RUNDC3B: variants seen among roughly 807,000 people sequenced by gnomAD.
The protein encoded by RUNDC3B is RUN domain-containing protein 3B.
A neutral mutation model predicts 58.4 loss-of-function variants in RUNDC3B; 33 were observed. The ratio of observed to expected loss-of-function variants is 0.56; its 90% CI spans 0.43 to 0.75. The LOEUF is 0.75. Among genes scored for constraint, RUNDC3B ranks in the 30% least tolerant of loss-of-function variants. RUNDC3B has a pLI of 0.00. For missense variants in RUNDC3B, 501 were observed against 535.7 expected, an observed-to-expected ratio of 0.94 and a Z score of 0.64; for synonymous variants, 193 against 195.2, an observed-to-expected ratio of 0.99 and a Z score of 0.10.
intron 10 of RUNDC3B, among the ~76,000 whole-genome samples, chr7:87,818,440 GT>G (rs967691550): frequency 3.3e-5 from 5 of 152,298 alleles, no homozygotes; most frequent in Admixed American, 6.5e-5. Flanking sequence ...AAGGAAACAT[GT>G]TCTCATGATG....
chr7:87,720,200 T>C (rs1830792469), intron 4 of RUNDC3B, among the ~76,000 whole-genome samples: 2 of 152,160 alleles, frequency 1.3e-5, no homozygotes, highest in South Asian at 4.1e-4. Context: ...CACAAGAATA[T>C]GTCAAAAGCT....
Position 87,832,150 on chromosome 7 carries a change from C to CT in RUNDC3B, c.*2123dup, listed in dbSNP as rs1260543885. ...ATGAGGAAACCATGTATGTCTCAAT[C>CT]TTTAATTTTAGGTGGTAGTGTTTAT... is the stretch of plus-strand genomic sequence containing the variant. On this transcript the variant is annotated 3_prime_UTR_variant, in exon 11 of 11. Transcript: ENST00000394654. 6.6e-6 allele frequency: 1 copy of CT among 151,934 alleles called. No homozygotes were observed. The highest frequency in any genetic ancestry group is 1.5e-5 in the Non-Finnish European group (1 of 67,890). 9.4% of individuals were successfully genotyped at this position (151,934 alleles called of 1,614,324 possible).
chr7:87,724,899 GTTT>G (rs1303356159), intron 4 of RUNDC3B, among the ~76,000 whole-genome samples: 1 of 151,596 alleles, frequency 6.6e-6, no homozygotes, highest in African/African-American at 2.4e-5. Flanking sequence ...ATTTACTTTT[GTTT>G]TTGAGTGATT....
intron 2 of RUNDC3B, among the ~76,000 whole-genome samples, chr7:87,672,672 G>C (rs999066471): frequency 2.6e-5 from 4 of 151,194 alleles, no homozygotes; most frequent in Non-Finnish European, 5.9e-5. Context: ...ATGTAGCTCT[G>C]TCTGTGAGAC....
chr7:87,686,608 T>G (rs1310978816), intron 2 of RUNDC3B, among the ~76,000 whole-genome samples: 1 of 152,026 alleles, frequency 6.6e-6, no homozygotes, highest in African/African-American at 2.4e-5. Flanking sequence ...GATGTATTAG[T>G]GATTTTTGTA....
chr7:87,628,578 TGCGTGC>T lies in RUNDC3B; in HGVS notation c.-244_-239del, dbSNP rs1465283233. ...GCGCGCCGAGGGCGGAGGTGGTGCG[TGCGTGC>T]GTGTGTGTGTGTGTGTGTGTGTGTG... On this transcript the variant is annotated 5_prime_UTR_variant, in exon 1 of 11. Coordinates refer to ENST00000394654, the MANE Select transcript of RUNDC3B (RefSeq NM_001134405.2). 3.0e-4 allele frequency: 89 copies of T among 299,326 alleles called. No homozygotes were observed. The highest frequency in any genetic ancestry group is 2.5e-3 in the African/African-American group (82 of 32,820). The allele number at this position is 299,326 out of a possible 1,614,324, so 18.5% of individuals were successfully genotyped here. A position where few individuals can be genotyped will look rare whatever the true frequency, so the allele number is the denominator to read the frequency against.
At chr7:87,657,869 C>T (rs1024854843) in intron 2 of RUNDC3B, among the ~76,000 whole-genome samples, 2 of 152,150 alleles carry the variant, frequency 1.3e-5, no homozygotes, top group African/African-American at 4.8e-5. Flanking sequence ...ACTTCATCCT[C>T]CACTTGGCAG....
At chr7:87,773,658 C>CTTGTTTTGTTTTGTTTTGTT (rs10699526) in intron 7 of RUNDC3B, among the ~76,000 whole-genome samples, 2 of 147,170 alleles carry the variant, frequency 1.4e-5, no homozygotes, top group African/African-American at 2.5e-5. Context: ...TTTGTCTTGT[C>CTTGTTTTGTTTTGTTTTGTT]TTGTTTTGTT....
chr7:87,760,793 A>C (rs566666006), intron 6 of RUNDC3B, among the ~76,000 whole-genome samples: 1 of 152,204 alleles, frequency 6.6e-6, no homozygotes, highest in African/African-American at 2.4e-5. Flanking sequence ...GAGTGAATTT[A>C]GACCTTAACC....
chr7:87,642,026 G>A (rs76844600), intron 1 of RUNDC3B, among the ~76,000 whole-genome samples: 2,020 of 151,832 alleles, frequency 0.013, 17 homozygotes, highest in Non-Finnish European at 0.013. Context: ...TAATTTATAC[G>A]TGGACGATAT....
chr7:87,638,568 A>G (rs1411121703), intron 1 of RUNDC3B, among the ~76,000 whole-genome samples: 1 of 151,924 alleles, frequency 6.6e-6, no homozygotes, highest in African/African-American at 2.4e-5. Flanking sequence ...TATGAGTTTC[A>G]GTAGGTTTTT....
chr7:87,725,060 C>G (rs1348417245), intron 4 of RUNDC3B, among the ~76,000 whole-genome samples: 1 of 151,796 alleles, frequency 6.6e-6, no homozygotes. Context: ...TTTTATAAGC[C>G]CTTGAAGTAA....
At chr7:87,786,046 CCT>C (rs760496062) in intron 8 of RUNDC3B, among the ~76,000 whole-genome samples, 4 of 152,136 alleles carry the variant, frequency 2.6e-5, no homozygotes, top group Non-Finnish European at 5.9e-5. Context: ...GTCTGCATCA[CCT>C]CTCTCTCAAC....
chr7:87,737,549 C>T (rs1445366458), intron 4 of RUNDC3B, among the ~76,000 whole-genome samples: 1 of 152,030 alleles, frequency 6.6e-6, no homozygotes, highest in African/African-American at 2.4e-5. Flanking sequence ...AAAATATTAT[C>T]TTCTCAGATC....
intron 2 of RUNDC3B, among the ~76,000 whole-genome samples, chr7:87,660,207 A>G (rs531931450): frequency 2.0e-5 from 3 of 148,862 alleles, no homozygotes; most frequent in Admixed American, 1.3e-4. Context: ...ACCAGTAAAA[A>G]CTCTCTGGGT....
intron 4 of RUNDC3B, among the ~76,000 whole-genome samples, chr7:87,720,754 C>T (rs1830834274): frequency 6.6e-6 from 1 of 151,420 alleles, no homozygotes; most frequent in Non-Finnish European, 1.5e-5. Flanking sequence ...ACGCGTGCCA[C>T]CACGCCCTGC....
At chr7:87,636,500 C>T (rs1459765646) in intron 1 of RUNDC3B, among the ~76,000 whole-genome samples, 2 of 152,062 alleles carry the variant, frequency 1.3e-5, no homozygotes, top group Non-Finnish European at 2.9e-5. Flanking sequence ...ATGCAAATGT[C>T]TTCCATTTGG....
intron 4 of RUNDC3B, among the ~76,000 whole-genome samples, chr7:87,725,734 A>C (rs1831189498): frequency 6.6e-6 from 1 of 152,150 alleles, no homozygotes; most frequent in African/African-American, 2.4e-5. Flanking sequence ...CTATTTCTCC[A>C]CATCCTCTCC....
intron 1 of RUNDC3B, among the ~76,000 whole-genome samples, chr7:87,635,052 A>G (rs1257775455): frequency 6.6e-6 from 1 of 152,138 alleles, no homozygotes; most frequent in Non-Finnish European, 1.5e-5. Context: ...ACTAGGGGGT[A>G]TTTATTTTAA....
Sources: gnomAD v4.1 joint callset for allele counts (sites outside exome capture counted in the v4.1 genomes callset) on GRCh38, gnomAD v4.1.1 for gene constraint, MANE v1.5 for transcripts, NCBI Gene and HGNC (gene_info 2026-07-23, HGNC 2026-07-21) for gene names.